TTYH2: variants seen among roughly 807,000 people sequenced by gnomAD.
TTYH2 encodes protein tweety homolog 2.
TTYH2 carries 49 observed loss-of-function variants against 68.3 expected under a neutral mutation model. The observed-to-expected ratio is 0.72, with a 90% CI of 0.57 to 0.91. The LOEUF (loss-of-function observed/expected upper bound fraction) is 0.91. Ranked by LOEUF, TTYH2 falls within the 40% of genes least tolerant of loss-of-function variation. The pLI is 0.00. For synonymous variants in TTYH2, 272 were observed against 300.8 expected (o/e 0.90, Z 0.99); for missense variants, 631 against 700.4 (o/e 0.90, Z 1.12).
At position 74,222,725 on chromosome 17, in the gene TTYH2, C is replaced by T. The variant is rs1307537869; in HGVS notation, c.302+68C>T. 1.1e-5 allele frequency: 16 copies of T among 1,465,402 alleles called. No individual in the cohort carries two copies. Among genetic ancestry groups the T allele is most frequent in the African/African-American group, 1.4e-5 (1 of 70,506 alleles). 90.8% of individuals were successfully genotyped at this position (1,465,402 alleles called of 1,614,324 possible). A position where few individuals can be genotyped will look rare whatever the true frequency, so the allele number is the denominator to read the frequency against. On this transcript the variant is annotated intron_variant, in intron 2 of 13. Transcript: ENST00000269346. The surrounding 1 kb of genome is among the most constrained non-coding windows in gnomAD (Gnocchi z 5.2). ...CTGCAAGGGGCCAGGGACTGTTTGA[C>T]CATGTTCTGACGGAGCTCCAGCTAC...
rs937374465 is a variant in TTYH2, at chr17:74,239,440, C to T, written c.635+1926C>T. 1.3e-5 allele frequency among the ~76,000 whole-genome samples: 2 copies of T among 152,194 alleles called. No homozygotes were observed. The highest frequency in any genetic ancestry group is 4.8e-5 in the African/African-American group (2 of 41,442). The stretch of plus-strand genomic sequence containing the variant: ...GGCTCCTCTTCAAGCCATTGATGAA[C>T]GTCAGAGCCTTTAGCTCAGGGTTGC... On this transcript the variant is annotated intron_variant, in intron 4 of 13. Transcript: ENST00000269346. The surrounding 1 kb of genome is among the most constrained non-coding windows in gnomAD (Gnocchi z 5.3).
chr17:74,222,582 A>C lies in TTYH2; in HGVS notation c.227A>C (p.Asp76Ala). ...YLVCACHCRR[D>A]DAVQTKQHHS... is the part of the protein sequence containing the mutation. ...GTCTGTGCATGCCACTGCCGGCGGG[A>C]CGATGCGGTGCAGACCAAGCAGCAC... Residue 76 changes from aspartate to alanine, a missense_variant, in exon 2 of 14, where the codon GAC becomes GCC. Asp to Ala is a moderately radical substitution (Grantham distance 126). Transcript: ENST00000269346. This position sits in a 1 kb window ranked among gnomAD's most constrained non-coding sequence, Gnocchi z 5.2. 6.2e-7 allele frequency: 1 copy of C among 1,612,368 alleles called. No homozygotes were observed. Among genetic ancestry groups the C allele is most frequent in the Non-Finnish European group, 8.5e-7 (1 of 1,179,976 alleles).
At chr17:74,221,250 C>T (rs1219696965) in intron 1 of TTYH2, among the ~76,000 whole-genome samples, 1 of 152,222 alleles carries the variant, frequency 6.6e-6, no homozygotes, top group Non-Finnish European at 1.5e-5. Context: ...AAGACCTGCC[C>T]GCATCTCACA....
rs536158396 is a variant in TTYH2 at position 74,215,695 on chromosome 17, A to G, written c.129+1979A>G. ...GAAGTCTGGCTCTGGGTGTTATTTA[A>G]GGTGGCTCCTGTTTTTGGTAAGTTC... On this transcript the variant is annotated intron_variant, in intron 1 of 13. Transcript: ENST00000269346. This position sits in a 1 kb window ranked among gnomAD's most constrained non-coding sequence, Gnocchi z 4.3. The G allele has an allele frequency of 1.7e-5, 26 of 1,534,142 alleles. No homozygotes were observed. In the South Asian group the frequency reaches 3.0e-4, roughly 18 times the overall value.
chr17:74,250,057 C>A, intron 9 of TTYH2, 29 bp downstream of exon 9: 1 of 1,609,392 alleles, frequency 6.2e-7, no homozygotes, highest in Non-Finnish European at 8.5e-7. Flanking sequence ...AAGAGGGGAG[C>A]CCCAGATGAA....
At chr17:74,238,529 G>T (rs1048905952) in intron 4 of TTYH2, among the ~76,000 whole-genome samples, 1 of 151,880 alleles carries the variant, frequency 6.6e-6, no homozygotes, top group Non-Finnish European at 1.5e-5. Flanking sequence ...CTCCTGAGTA[G>T]CTGGGACTAC....
At chr17:74,221,316 G>T (rs1197428064) in intron 1 of TTYH2, among the ~76,000 whole-genome samples, 3 of 152,166 alleles carry the variant, frequency 2.0e-5, no homozygotes, top group Admixed American at 6.5e-5. Context: ...TGGCCCCAAA[G>T]CCCCAGACTG....
At chr17:74,236,624 G>A (rs1404524217) in intron 3 of TTYH2, among the ~76,000 whole-genome samples, 1 of 152,232 alleles carries the variant, frequency 6.6e-6, no homozygotes, top group African/African-American at 2.4e-5. Context: ...CAGAGGGCAG[G>A]GATGTGCCCA....
chr17:74,255,826 C>T (rs2050688383), intron 13 of TTYH2, among the ~76,000 whole-genome samples: 4 of 152,212 alleles, frequency 2.6e-5, no homozygotes. Context: ...AGCCAGGCAT[C>T]TCCCTTCATT....
chr17:74,221,516 C>A (rs1358318930), intron 1 of TTYH2, among the ~76,000 whole-genome samples: 2 of 152,236 alleles, frequency 1.3e-5, no homozygotes, highest in Non-Finnish European at 2.9e-5. Flanking sequence ...GGACTGGGAA[C>A]CCCTATTGGG....
Position 74,260,296 on chromosome 17 carries a change from A to G in TTYH2, c.*87A>G. ...GCTGCGTTTCTTTAATAGAAACCAAAGGCATCTGGAGCCCGAGAGGCCTCC... is the reference window on the plus strand; with the variant it reads ...GCTGCGTTTCTTTAATAGAAACCAAGGGCATCTGGAGCCCGAGAGGCCTCC... On this transcript the variant is annotated 3_prime_UTR_variant, in exon 14 of 14. Coordinates refer to ENST00000269346, the MANE Select transcript of TTYH2 (RefSeq NM_032646.6). 3 of 1,399,290 alleles carry G rather than the reference A, an allele frequency of 2.1e-6. No homozygotes were observed. The highest frequency in any genetic ancestry group is 3.0e-6 in the Non-Finnish European group (3 of 995,840). The allele number at this position is 1,399,290 out of a possible 1,614,324, so 86.7% of individuals were successfully genotyped here.
chr17:74,235,368 T>C (rs773155214), intron 3 of TTYH2, among the ~76,000 whole-genome samples: 1 of 151,958 alleles, frequency 6.6e-6, no homozygotes. Flanking sequence ...TAGTGCACAC[T>C]GCCCCACTCC....
chr17:74,237,290 C>T lies in TTYH2; in HGVS notation c.415-4C>T, dbSNP rs768030141. 63 of 1,613,788 alleles carry T rather than the reference C, an allele frequency of 3.9e-5. No individual in the cohort carries two copies. The highest frequency in any genetic ancestry group is 5.1e-5 in the Non-Finnish European group (60 of 1,179,902). ...CATGGCTTTTGCCCCCTGCTCCTCC[C>T]TAGGTTTCCGGAACTACCCAGAAGA... On this transcript the variant is annotated splice_polypyrimidine_tract_variant and splice_region_variant and intron_variant, in intron 3 of 13. Coordinates refer to ENST00000269346, the MANE Select transcript of TTYH2 (RefSeq NM_032646.6).
At chr17:74,257,671 A>G (rs199662741) in intron 13 of TTYH2, among the ~76,000 whole-genome samples, 2 of 152,166 alleles carry the variant, frequency 1.3e-5, no homozygotes, top group East Asian at 1.9e-4. Flanking sequence ...CCTTCAAGGA[A>G]TAATCTCTCC....
Position 74,260,259 on chromosome 17 carries a change from G to C in TTYH2, c.*50G>C, listed in dbSNP as rs760648701. ...CTTTTTCCGTTCTGGTTTTTAATTA[G>C]TGCAAATACAAGCTGCGTTTCTTTA... On this transcript the variant is annotated 3_prime_UTR_variant, in exon 14 of 14. Transcript: ENST00000269346. The C allele has an allele frequency of 2.5e-6, 4 of 1,572,090 alleles. No individual in the cohort carries two copies. In the Admixed American group the frequency reaches 6.7e-5, roughly 26 times the overall value.
intron 2 of TTYH2, among the ~76,000 whole-genome samples, chr17:74,223,821 T>C (rs923425261): frequency 2.6e-5 from 4 of 152,112 alleles, no homozygotes; most frequent in Non-Finnish European, 5.9e-5. Context: ...TGGGCTCTCA[T>C]ACCCAGGCAG....
rs889765440 is a variant in TTYH2 at position 74,213,680 on chromosome 17, C to A, written c.93C>A (p.Asn31Lys). Residue 31 changes from asparagine (N) to lysine (K), a missense_variant, in exon 1 of 14, where the codon AAC (asparagine) becomes AAA (lysine). Transcript: ENST00000269346. The surrounding 1 kb of genome is among the most constrained non-coding windows in gnomAD (Gnocchi z 6.1). ...TCGGCCTGCGCCTGCAGCCCGTGAA[C>A]AGCACCTTCAGCCCCGGCGACGAGA... ...PHVGLRLQPV[N>K]STFSPGDESY... is the part of the protein sequence containing the mutation. 1 of 1,612,954 alleles carries A rather than the reference C, an allele frequency of 6.2e-7. No homozygotes were observed. Among genetic ancestry groups the A allele is most frequent in the Admixed American group, 1.7e-5 (1 of 59,986 alleles).
intron 10 of TTYH2, among the ~76,000 whole-genome samples, chr17:74,251,215 T>G (rs529329723): frequency 6.6e-6 from 1 of 151,346 alleles, no homozygotes; most frequent in African/African-American, 2.4e-5. Flanking sequence ...GTGTGGTGCA[T>G]GTGTATGTGC....
Position 74,253,786 on chromosome 17 carries a change from C to T in TTYH2, c.1477C>T (p.Arg493Cys), listed in dbSNP as rs114644256. 2.1e-3 allele frequency: 3,444 copies of T among 1,614,186 alleles called. 29 individuals carry two copies. In the African/African-American group the frequency reaches 0.029, roughly 14 times the overall value. Residue 493 changes from arginine to cysteine, a missense_variant, in exon 13 of 14, where the codon CGC becomes TGC. By Grantham distance (180) the Arg-to-Cys change is radical (BLOSUM62 -3). Transcript: ENST00000269346. ...NQAMLFGRNP[R>C]YENVPLIGRA... ...AGCCATGCTCTTTGGTAGGAACCCA[C>T]GCTACGAGAACGTGCCACTAATCGG...
Sources: gnomAD v4.1 joint callset for allele counts (sites outside exome capture counted in the v4.1 genomes callset) on GRCh38, gnomAD v4.1.1 for gene constraint, Gnocchi (gnomAD v3.1) non-coding constraint, MANE v1.5 for transcripts, NCBI Gene and HGNC (gene_info 2026-07-23, HGNC 2026-07-21) for gene names.